The following DOCK7 variants were observed in gnomAD, a reference collection of about 807,000 sequenced individuals.
The protein encoded by DOCK7 is dedicator of cytokinesis protein 7.
Under a neutral mutation model 271.0 loss-of-function variants are expected in DOCK7, and 138 were observed. The observed-to-expected ratio is 0.51, with a 90% CI of 0.44 to 0.59. The LOEUF (loss-of-function observed/expected upper bound fraction) is 0.59. Ranked by LOEUF, DOCK7 falls within the 20% of genes least tolerant of loss-of-function variation. The pLI, the probability that DOCK7 is intolerant of heterozygous loss-of-function variation, is 0.00. For missense variants in DOCK7, 2,066 were observed against 2,592.4 expected, an observed-to-expected ratio of 0.80 and a Z score of 4.41; for synonymous variants, 823 against 876.1, an observed-to-expected ratio of 0.94 and a Z score of 1.07.
At chr1:62,631,156 G>A in intron 11 of DOCK7, 84 bp downstream of exon 11, 2 of 1,302,258 alleles carry the variant, frequency 1.5e-6, no homozygotes, top group Non-Finnish European at 2.1e-6. Context: ...CTGCCCTCCA[G>A]CCTAGGCCAT....
At chr1:62,540,718 C>T (rs1265675634) in intron 25 of DOCK7, among the ~76,000 whole-genome samples, 1 of 152,066 alleles carries the variant, frequency 6.6e-6, no homozygotes, top group Non-Finnish European at 1.5e-5. Context: ...GAATTTTAAA[C>T]TTTAAATTCA....
At position 62,504,569 on chromosome 1, in the gene DOCK7, A is replaced by C. The variant is rs1646885700; in HGVS notation, c.4764+61T>G. 7 of 1,525,822 alleles carry C rather than the reference A, an allele frequency of 4.6e-6. No homozygotes were observed. In the East Asian group the frequency reaches 1.4e-4, roughly 30 times the overall value. 94.5% of individuals were successfully genotyped at this position (1,525,822 alleles called of 1,614,324 possible). On this transcript the variant is annotated intron_variant, in intron 37 of 49. Coordinates refer to ENST00000635253, the MANE Select transcript of DOCK7 (RefSeq NM_001367561.1). ...TGCTCTCCCAAAAACTGATTTAATAACTATCAGCAGAAGTTATATTTCATT... is the reference window on the plus strand; with the variant it reads ...TGCTCTCCCAAAAACTGATTTAATACCTATCAGCAGAAGTTATATTTCATT...
intron 46 of DOCK7, 123 bp downstream of exon 46, chr1:62,475,584 G>T: frequency 9.0e-7 from 1 of 1,105,854 alleles, no homozygotes; most frequent in Non-Finnish European, 1.3e-6. Context: ...ACTCAAAAAT[G>T]GGTAAAGTTC....
chr1:62,662,031 A>G (rs1264292468), intron 2 of DOCK7, among the ~76,000 whole-genome samples: 1 of 152,164 alleles, frequency 6.6e-6, no homozygotes, highest in Non-Finnish European at 1.5e-5. Flanking sequence ...AATTTTAGTA[A>G]CACAAACATT....
chr1:62,670,324 G>T (rs1017788284), intron 1 of DOCK7, among the ~76,000 whole-genome samples: 1 of 152,008 alleles, frequency 6.6e-6, no homozygotes, highest in African/African-American at 2.4e-5. Flanking sequence ...CCTGGTGCGG[G>T]ATCCACTACG....
chr1:62,488,928 C>A lies in DOCK7; in HGVS notation c.5493+6G>T, dbSNP rs542154876. 1.2e-6 allele frequency: 2 copies of A among 1,613,560 alleles called. No homozygotes were observed. The highest frequency in any genetic ancestry group is 2.2e-5 in the South Asian group (2 of 90,994). ...TTATAGTGAAGCTAGAAATTGGAATCATTACCTGATGAACAATTTTGCTGA... is the reference window on the plus strand; with the variant it reads ...TTATAGTGAAGCTAGAAATTGGAATAATTACCTGATGAACAATTTTGCTGA... On this transcript the variant is annotated splice_donor_region_variant and intron_variant, in intron 42 of 49. Transcript: ENST00000635253.
rs886252123 is a variant in DOCK7 at position 62,684,334 on chromosome 1, T to C, written c.38+3893A>G. On this transcript the variant is annotated intron_variant, in intron 1 of 49. Coordinates refer to ENST00000635253, the MANE Select transcript of DOCK7 (RefSeq NM_001367561.1). Reference sequence around the variant, plus strand: ...AAAATGATAACAACAGTAAGTAATATGGAAATCATAATAGCAGTGGCTAAC... The same window carrying C: ...AAAATGATAACAACAGTAAGTAATACGGAAATCATAATAGCAGTGGCTAAC... Among the ~76,000 whole-genome samples, 14 of 152,186 alleles carry C rather than the reference T, an allele frequency of 9.2e-5. No individual in the cohort carries two copies. The East Asian group carries it at 1.3e-3, about 15-fold the overall frequency.
intron 43 of DOCK7, among the ~76,000 whole-genome samples, chr1:62,480,449 T>C (rs771851136): frequency 6.6e-6 from 1 of 152,110 alleles, no homozygotes; most frequent in Non-Finnish European, 1.5e-5. Context: ...AAAAAATGTA[T>C]TCAAATAATT....
chr1:62,531,449 A>C (rs1364166086), intron 29 of DOCK7, among the ~76,000 whole-genome samples: 1 of 152,254 alleles, frequency 6.6e-6, no homozygotes. Flanking sequence ...ACACGGACAC[A>C]AACATAATAA....
At chr1:62,564,441 T>C (rs1646441150) in intron 18 of DOCK7, among the ~76,000 whole-genome samples, 1 of 152,116 alleles carries the variant, frequency 6.6e-6, no homozygotes, top group Non-Finnish European at 1.5e-5. Context: ...AACAACTTGC[T>C]CCTGAATGAC....
At chr1:62,561,793 A>AAT in intron 18 of DOCK7, 90 bp from the exon 19 acceptor site, 6 of 651,640 alleles carry the variant, frequency 9.2e-6, no homozygotes, top group Non-Finnish European at 1.5e-5. Context: ...CAATGAGAAA[A>AAT]ATATTGTGAA....
chr1:62,610,624 C>T (rs539556473), intron 14 of DOCK7, among the ~76,000 whole-genome samples: 2 of 152,056 alleles, frequency 1.3e-5, no homozygotes, highest in Non-Finnish European at 2.9e-5. Flanking sequence ...CTAGCCCCAC[C>T]CCGACAGGTC....
intron 1 of DOCK7, among the ~76,000 whole-genome samples, chr1:62,680,757 T>C (rs1297212295): frequency 1.3e-5 from 2 of 151,404 alleles, no homozygotes; most frequent in East Asian, 1.9e-4. Context: ...AAGAAGACAT[T>C]TATGCAGCCA....
chr1:62,647,408 G>C (rs1217138199), intron 7 of DOCK7, among the ~76,000 whole-genome samples: 1 of 152,038 alleles, frequency 6.6e-6, no homozygotes, highest in East Asian at 1.9e-4. Flanking sequence ...TTCATACATA[G>C]GTTTGAATGC....
chr1:62,604,857 C>T (rs759309147), intron 14 of DOCK7: 34 of 1,561,024 alleles, frequency 2.2e-5, no homozygotes, highest in Non-Finnish European at 2.6e-6. Context: ...AAACATTAAC[C>T]TCATTCCAAG....
chr1:62,613,565 A>G (rs1432369510), intron 14 of DOCK7, among the ~76,000 whole-genome samples: 1 of 152,190 alleles, frequency 6.6e-6, no homozygotes, highest in African/African-American at 2.4e-5. Context: ...TAATAAAAGT[A>G]AATTAAACTA....
chr1:62,556,472 T>C (rs1646144900), intron 20 of DOCK7, among the ~76,000 whole-genome samples: 1 of 148,588 alleles, frequency 6.7e-6, no homozygotes, highest in South Asian at 2.1e-4. Flanking sequence ...AAGAAAATAG[T>C]GAATAAGCAA....
intron 10 of DOCK7, among the ~76,000 whole-genome samples, chr1:62,633,159 A>G (rs922577298): frequency 1.3e-5 from 2 of 152,130 alleles, no homozygotes; most frequent in Non-Finnish European, 2.9e-5. Context: ...AATAAAGAAA[A>G]CCTTTAATAA....
chr1:62,539,941 T>C, intron 25 of DOCK7, 49 bp from the exon 26 acceptor site: 1 of 1,320,498 alleles, frequency 7.6e-7, no homozygotes, highest in South Asian at 1.5e-5. Context: ...TATTTAACAA[T>C]TACAACAACT....
Sources: gnomAD v4.1 joint callset for allele counts (sites outside exome capture counted in the v4.1 genomes callset) on GRCh38, gnomAD v4.1.1 for gene constraint, MANE v1.5 for transcripts, NCBI Gene and HGNC (gene_info 2026-07-23, HGNC 2026-07-21) for gene names.